The following PPARG variants were observed in gnomAD, a reference collection of about 807,000 sequenced individuals.
PPARG encodes peroxisome proliferator activated receptor gamma, also known as peroxisome proliferator-activated receptor gamma.
Under a neutral mutation model 39.2 loss-of-function variants are expected in PPARG, and 17 were observed. The observed-to-expected ratio is 0.43, with a 90% CI of 0.30 to 0.65. PPARG has a LOEUF of 0.65. PPARG is among the 30% of genes least tolerant of loss of function. The probability of loss-of-function intolerance (pLI) is 0.13; values close to 1 mark genes in which losing one functional copy is unlikely to be tolerated. For missense variants in PPARG, 406 were observed against 585.9 expected (o/e 0.69, Z 3.17); for synonymous variants, 223 against 215.7 (o/e 1.03, Z -0.30).
In PPARG at chr3:12,351,150, G is replaced by A. The variant is rs4135302; in HGVS notation, c.-8-28554G>A. On this transcript the variant is annotated intron_variant, in intron 2 of 7. Transcript: ENST00000651735. Reference sequence around the variant, plus strand: ...AAGCTTTCTGGTATTTCATAAGCAAGAGATTTAAGTTTTCCATTTAAGAAG... The same window carrying A: ...AAGCTTTCTGGTATTTCATAAGCAAAAGATTTAAGTTTTCCATTTAAGAAG... Among the ~76,000 whole-genome samples, 422 of 152,298 alleles carry A rather than the reference G, an allele frequency of 2.8e-3. 2 individuals are homozygous for A. The highest frequency in any genetic ancestry group is 9.4e-3 in the African/African-American group (390 of 41,562).
At chr3:12,294,278 G>C (rs560064894) in intron 1 of PPARG, among the ~76,000 whole-genome samples, 61 of 152,184 alleles carry the variant, frequency 4.0e-4, no homozygotes, top group Non-Finnish European at 7.2e-4. Context: ...ACAAGTCGCA[G>C]ATCTTCCTTG....
At chr3:12,390,111 A>G (rs1163877839) in intron 4 of PPARG, among the ~76,000 whole-genome samples, 6 of 152,204 alleles carry the variant, frequency 3.9e-5, no homozygotes, top group Non-Finnish European at 5.9e-5. Context: ...GTGAAAAGCC[A>G]GGGACATACA....
chr3:12,346,745 C>T (rs1304072003), intron 2 of PPARG, among the ~76,000 whole-genome samples: 1 of 151,818 alleles, frequency 6.6e-6, no homozygotes, highest in Non-Finnish European at 1.5e-5. Flanking sequence ...AGCATCCCTC[C>T]TGCCTCAGCC....
At chr3:12,332,033 T>C (rs984270132) in intron 2 of PPARG, among the ~76,000 whole-genome samples, 18 of 152,194 alleles carry the variant, frequency 1.2e-4, no homozygotes, top group Admixed American at 3.9e-4. Flanking sequence ...AAACTATATG[T>C]GTGGAGATAG....
At chr3:12,290,181 ATGG>A (rs1277027600) in intron 1 of PPARG, among the ~76,000 whole-genome samples, 2 of 152,052 alleles carry the variant, frequency 1.3e-5, no homozygotes, top group African/African-American at 4.8e-5. Flanking sequence ...AACACTAATG[ATGG>A]TTTTTTTTAA....
intron 6 of PPARG, among the ~76,000 whole-genome samples, chr3:12,408,704 C>G (rs973574728): frequency 6.6e-5 from 10 of 151,554 alleles, no homozygotes; most frequent in African/African-American, 2.4e-4. Flanking sequence ...GCTGGTATTA[C>G]AGGTGTGAGC....
intron 2 of PPARG, among the ~76,000 whole-genome samples, chr3:12,370,645 TTC>T (rs1271637248): frequency 2.0e-5 from 3 of 152,236 alleles, no homozygotes; most frequent in African/African-American, 4.8e-5. Context: ...CTGTGCTTTT[TTC>T]TCTCTTTTGT....
At chr3:12,336,389 A>G (rs1396501035) in intron 2 of PPARG, among the ~76,000 whole-genome samples, 1 of 151,956 alleles carries the variant, frequency 6.6e-6, no homozygotes, top group African/African-American at 2.4e-5. Context: ...GTGAGTTTTC[A>G]CCTCTTGATA....
intron 1 of PPARG, among the ~76,000 whole-genome samples, chr3:12,291,742 C>T (rs2046653500): frequency 6.6e-6 from 1 of 152,098 alleles, no homozygotes; most frequent in Non-Finnish European, 1.5e-5. Context: ...AATTTCTCTT[C>T]AACAATAAGT....
chr3:12,412,223 C>T (rs1348289983), intron 6 of PPARG, among the ~76,000 whole-genome samples: 1 of 152,072 alleles, frequency 6.6e-6, no homozygotes, highest in Non-Finnish European at 1.5e-5. Context: ...TGTTAAAATG[C>T]TGATGTTATT....
chr3:12,328,252 T>C (rs1158869642), intron 2 of PPARG: 22 of 1,523,148 alleles, frequency 1.4e-5, no homozygotes, highest in African/African-American at 2.7e-5. Flanking sequence ...ATCCGGGAGA[T>C]GCTGATGGCA....
At chr3:12,377,743 A>G (rs1365697553) in intron 2 of PPARG, among the ~76,000 whole-genome samples, 1 of 152,188 alleles carries the variant, frequency 6.6e-6, no homozygotes, top group African/African-American at 2.4e-5. Flanking sequence ...TTTAAAAACA[A>G]TCATTAACAG....
chr3:12,402,730 C>T (rs960858671), intron 5 of PPARG, among the ~76,000 whole-genome samples: 7 of 152,072 alleles, frequency 4.6e-5, no homozygotes, highest in Non-Finnish European at 8.8e-5. Context: ...TCAGAAGTTA[C>T]CGAGTGACTC....
intron 7 of PPARG, among the ~76,000 whole-genome samples, chr3:12,430,249 T>C (rs35520264): frequency 0.013 from 1,958 of 152,264 alleles, 25 homozygotes; most frequent in South Asian, 0.024. Flanking sequence ...GCCAGGAGAA[T>C]TGTGCTTTTT....
At chr3:12,430,363 G>A (rs1152001) in intron 7 of PPARG, among the ~76,000 whole-genome samples, 121,913 of 152,060 alleles carry the variant, frequency 0.8, 48,918 homozygotes, top group East Asian at 0.9. Context: ...TCTGCCCTCT[G>A]ATACCTCACG....
intron 7 of PPARG, among the ~76,000 whole-genome samples, chr3:12,420,759 C>T (rs990584357): frequency 4.6e-5 from 7 of 152,286 alleles, no homozygotes; most frequent in Non-Finnish European, 7.4e-5. Context: ...AGATTGCTGC[C>T]ATTGAACTTC....
intron 7 of PPARG, among the ~76,000 whole-genome samples, chr3:12,427,410 G>T (rs1372177005): frequency 6.6e-6 from 1 of 152,102 alleles, no homozygotes; most frequent in Non-Finnish European, 1.5e-5. Flanking sequence ...CTGAATTTCT[G>T]CTCTAACCAA....
At chr3:12,308,235 T>C (rs564898500) in intron 1 of PPARG, among the ~76,000 whole-genome samples, 1 of 151,018 alleles carries the variant, frequency 6.6e-6, no homozygotes, top group Admixed American at 6.6e-5. Context: ...TCCCAGCTAC[T>C]TGGGAGGCCG....
rs2046745917 is a variant in PPARG, at chr3:12,295,115, A to G, written c.-83+5981A>G. Among the ~76,000 whole-genome samples the G allele has an allele frequency of 3.3e-5, 5 of 152,212 alleles. No homozygotes were observed. In the South Asian group the frequency reaches 1.0e-3, roughly 32 times the overall value. On this transcript the variant is annotated intron_variant, in intron 1 of 7. Transcript: ENST00000651735. ...GCTTACTCGTCATGCATTTTTTACA[A>G]AGTCTTGCTAAAGTCTGTGAATCTA...
Sources: gnomAD v4.1 joint callset for allele counts (sites outside exome capture counted in the v4.1 genomes callset) on GRCh38, gnomAD v4.1.1 for gene constraint, MANE v1.5 for transcripts, NCBI Gene and HGNC (gene_info 2026-07-23, HGNC 2026-07-21) for gene names.